The following CAPZA2 variants were observed in gnomAD, a reference collection of about 807,000 sequenced individuals.
The protein encoded by CAPZA2 is capping actin protein of muscle Z-line subunit alpha 2, also known as F-actin-capping protein subunit alpha-2.
In CAPZA2, 13 loss-of-function variants were observed where a neutral mutation model predicts 44.0. That is an observed-to-expected ratio of 0.30 (90% CI 0.19 to 0.47). The LOEUF is 0.47. Among genes scored for constraint, CAPZA2 ranks in the 20% least tolerant of loss-of-function variants. The pLI, the probability that CAPZA2 is intolerant of heterozygous loss-of-function variation, is 1.00. For missense variants in CAPZA2, 244 were observed against 338.6 expected (o/e 0.72, Z 2.19); for synonymous variants, 94 against 108.2 (o/e 0.87, Z 0.81).
chr7:116,891,037 T>C (rs1244544285), intron 2 of CAPZA2, among the ~76,000 whole-genome samples: 1 of 152,124 alleles, frequency 6.6e-6, no homozygotes, highest in Non-Finnish European at 1.5e-5. Context: ...CTCAAACATA[T>C]AGTCATAGAT....
intron 2 of CAPZA2, among the ~76,000 whole-genome samples, chr7:116,889,778 G>A (rs1796807026): frequency 6.6e-6 from 1 of 152,114 alleles, no homozygotes; most frequent in African/African-American, 2.4e-5. Context: ...TACTTAGAAG[G>A]CAGAATGGAG....
chr7:116,894,825 A>C (rs1796903764), intron 3 of CAPZA2, among the ~76,000 whole-genome samples: 1 of 152,162 alleles, frequency 6.6e-6, no homozygotes, highest in Non-Finnish European at 1.5e-5. Flanking sequence ...AGCATGTGTC[A>C]GAATTTCCTT....
chr7:116,876,315 A>T (rs1796621792), intron 1 of CAPZA2: 1 of 151,576 alleles, frequency 6.6e-6, no homozygotes, highest in African/African-American at 2.4e-5. Flanking sequence ...TTCAGGGCTC[A>T]GTTTCTAATG....
rs956734868 is a variant in CAPZA2, at chr7:116,919,524, A to G, written c.*1657A>G. 1.3e-5 allele frequency: 2 copies of G among 152,128 alleles called. No homozygotes were observed. Among genetic ancestry groups the G allele is most frequent in the Non-Finnish European group, 2.9e-5 (2 of 68,028 alleles). The allele number at this position is 152,128 out of a possible 1,614,324, so 9.4% of individuals were successfully genotyped here. A position where few individuals can be genotyped will look rare whatever the true frequency, so the allele number is the denominator to read the frequency against. ...GGAATGCATTACTGAAAATGTATGC[A>G]ACTGTTTTTAAGGTGATTTGCTTGT... On this transcript the variant is annotated 3_prime_UTR_variant, in exon 10 of 10. Transcript: ENST00000361183.
At chr7:116,884,210 T>G (rs1796733654) in intron 1 of CAPZA2, among the ~76,000 whole-genome samples, 1 of 152,208 alleles carries the variant, frequency 6.6e-6, no homozygotes, top group African/African-American at 2.4e-5. Context: ...TTAAACGTTT[T>G]AGAAGCAATA....
Position 116,918,138 on chromosome 7 carries a change from G to T in CAPZA2, c.*271G>T. On this transcript the variant is annotated 3_prime_UTR_variant, in exon 10 of 10. Coordinates refer to ENST00000361183, the MANE Select transcript of CAPZA2 (RefSeq NM_006136.3). ...GAAGAGATGATTCTTCTAGTTTATGGTTAAAAGTTTTTGAAGTGTCTCAAA... is the reference window on the plus strand; with the variant it reads ...GAAGAGATGATTCTTCTAGTTTATGTTTAAAAGTTTTTGAAGTGTCTCAAA... 1 of 277,048 alleles carries T rather than the reference G, an allele frequency of 3.6e-6. No homozygotes were observed. The highest frequency in any genetic ancestry group is 6.9e-6 in the Non-Finnish European group (1 of 144,964). 17.2% of individuals were successfully genotyped at this position (277,048 alleles called of 1,614,324 possible). A position where few individuals can be genotyped will look rare whatever the true frequency, so the allele number is the denominator to read the frequency against.
intron 2 of CAPZA2, 116 bp downstream of exon 2, chr7:116,888,306 T>A: frequency 1.6e-6 from 1 of 634,658 alleles, no homozygotes; most frequent in East Asian, 2.8e-5. Context: ...GTTTTCTGAA[T>A]TACAATGACA....
intron 1 of CAPZA2, among the ~76,000 whole-genome samples, chr7:116,872,100 A>T (rs1246671737): frequency 6.6e-6 from 1 of 152,192 alleles, no homozygotes; most frequent in Non-Finnish European, 1.5e-5. Context: ...TGACTAAAGG[A>T]TGAGGAGTGG....
intron 1 of CAPZA2, among the ~76,000 whole-genome samples, chr7:116,887,264 CGCCTGTAATCCCA>C (rs1796774664): frequency 6.6e-6 from 1 of 152,212 alleles, no homozygotes; most frequent in South Asian, 2.1e-4. Context: ...TACTGGCTCA[CGCCTGTAATCCCA>C]GCACTTTGGG....
chr7:116,917,693 T>A (rs763508962), intron 9 of CAPZA2, 34 bp from the exon 10 acceptor site: 5 of 1,499,534 alleles, frequency 3.3e-6, no homozygotes, highest in Non-Finnish European at 4.6e-6. Context: ...TGTTCTTTGC[T>A]TTACTTTAAA....
intron 5 of CAPZA2, among the ~76,000 whole-genome samples, chr7:116,905,138 CAA>C (rs1164804320): frequency 2.3e-4 from 18 of 79,206 alleles, no homozygotes; most frequent in Admixed American, 2.9e-4. Context: ...GACTCTGTCT[CAA>C]AAAAAAAAAA....
Position 116,904,212 on chromosome 7 carries a change from A to G in CAPZA2, c.255A>G (p.Gly85=). The change falls in exon 5 of 10, where the codon GGA becomes GGG. Residue 85 remains glycine, a synonymous_variant. Coordinates refer to ENST00000361183, the MANE Select transcript of CAPZA2 (RefSeq NM_006136.3). ...LITEHGDLGN[G]KFLDPKNRIC... is the part of the protein sequence containing the mutation. ...CAGAACATGGCGACTTGGGAAATGG[A>G]AAGTTTTTGGATCCAAAGAACAGAA... 1.2e-6 allele frequency: 2 copies of G among 1,613,864 alleles called. No individual in the cohort carries two copies. Among genetic ancestry groups the G allele is most frequent in the Non-Finnish European group, 1.7e-6 (2 of 1,179,822 alleles).
chr7:116,909,587 A>C (rs1031695316), intron 6 of CAPZA2, among the ~76,000 whole-genome samples: 7 of 152,066 alleles, frequency 4.6e-5, no homozygotes, highest in Non-Finnish European at 7.4e-5. Flanking sequence ...AAACTAAAAA[A>C]AAAAAAACTC....
chr7:116,906,352 A>C lies in CAPZA2; in HGVS notation c.506+10A>C, dbSNP rs771412561. The C allele has an allele frequency of 6.2e-7, 1 of 1,610,292 alleles. No homozygotes were observed. Among genetic ancestry groups the C allele is most frequent in the South Asian group, 1.1e-5 (1 of 90,424 alleles). On this transcript the variant is annotated intron_variant, in intron 6 of 9. Transcript: ENST00000361183. ...AAGCAAAAAATTTTTGGTAAGTTAA[A>C]ATTTTGGATATTGGGGAGTTTTGGC...
chr7:116,913,769 ATTTTTTTTTT>A (rs10717939), intron 8 of CAPZA2, among the ~76,000 whole-genome samples: 8 of 87,712 alleles, frequency 9.1e-5, no homozygotes, highest in African/African-American at 3.6e-4. Context: ...CACCCAGCTA[ATTTTTTTTTT>A]TTTTTTTTTT....
intron 2 of CAPZA2, among the ~76,000 whole-genome samples, chr7:116,891,272 A>G (rs1338725881): frequency 6.6e-6 from 1 of 152,164 alleles, no homozygotes; most frequent in African/African-American, 2.4e-5. Flanking sequence ...TCAATCATTT[A>G]CCCATTTGGA....
chr7:116,892,934 G>C, intron 2 of CAPZA2, 60 bp from the exon 3 acceptor site: 1 of 1,232,780 alleles, frequency 8.1e-7, no homozygotes, highest in East Asian at 2.5e-5. Context: ...AACAATCTGC[G>C]TTCATTACAT....
chr7:116,893,121 T>A, intron 3 of CAPZA2, 76 bp downstream of exon 3: 2 of 945,906 alleles, frequency 2.1e-6, no homozygotes, highest in Non-Finnish European at 1.6e-6. Flanking sequence ...TGTGTGGGGG[T>A]TTTTTGTGGG....
intron 2 of CAPZA2, among the ~76,000 whole-genome samples, chr7:116,891,762 C>T (rs1796849483): frequency 6.6e-6 from 1 of 152,282 alleles, no homozygotes; most frequent in South Asian, 2.1e-4. Flanking sequence ...CCACCCTCTT[C>T]GGCCTCCCAA....
Sources: allele counts gnomAD v4.1 joint callset (sites outside exome capture counted in the v4.1 genomes callset), GRCh38; gene constraint gnomAD v4.1.1; transcripts MANE v1.5; gene names NCBI Gene and HGNC (gene_info 2026-07-23, HGNC 2026-07-21).